PIEZO1: variants seen among roughly 807,000 people sequenced by gnomAD.
PIEZO1 encodes the protein piezo type mechanosensitive ion channel component 1 (Er blood group), also known as piezo-type mechanosensitive ion channel component 1.
Under a neutral mutation model 297.2 loss-of-function variants are expected in PIEZO1, and 296 were observed. The ratio of observed to expected loss-of-function variants is 1.00; its 90% CI spans 0.91 to 1.10. The LOEUF (loss-of-function observed/expected upper bound fraction) is 1.10, where lower values mean the gene tolerates loss of function less well. PIEZO1 is among the 50% of genes least tolerant of loss of function. The pLI is 0.00. For synonymous variants in PIEZO1, 2,427 were observed against 1,507.5 expected (o/e 1.61, Z -14.13); for missense variants, 5,018 against 3,455.5 (o/e 1.45, Z -11.34).
At position 88,721,191 on chromosome 16, in the gene PIEZO1, T is replaced by C. The variant is rs1193384801; in HGVS notation, c.5643A>G (p.Pro1881=). 17 of 1,511,458 alleles carry C rather than the reference T, an allele frequency of 1.1e-5. No individual in the cohort carries two copies. Among genetic ancestry groups the C allele is most frequent in the Admixed American group, 4.1e-5 (2 of 48,892 alleles). The allele number at this position is 1,511,458 out of a possible 1,614,324, so 93.6% of individuals were successfully genotyped here. ...CGATGGCTGCCGCTCCTTTCCGTGC[T>C]GGGCCCTCCTTCTTCCTTCTTCTAA... ...LRFRRRKKEG[P]ARKGAAAIEA... The change falls in exon 39 of 51, where the codon CCA becomes CCG. Residue 1881 remains proline (P), a synonymous_variant. Coordinates refer to ENST00000301015, the MANE Select transcript of PIEZO1 (RefSeq NM_001142864.4).
intron 19 of PIEZO1, 111 bp from the exon 20 acceptor site, chr16:88,732,843 G>C: frequency 9.0e-7 from 1 of 1,107,974 alleles, no homozygotes. Flanking sequence ...TCCCCAGCCA[G>C]GGACACGGGG....
intron 1 of PIEZO1, among the ~76,000 whole-genome samples, chr16:88,757,328 GGGGGGTA>G (rs1906721315): frequency 2.0e-5 from 1 of 49,596 alleles, no homozygotes; most frequent in Admixed American, 2.3e-4. Flanking sequence ...GCGGGGGGGT[GGGGGGTA>G]GTTACCTAAC....
At position 88,725,175 on chromosome 16, in the gene PIEZO1, G is replaced by T. The variant is rs568849385; in HGVS notation, c.4163-95C>A. On this transcript the variant is annotated intron_variant, in intron 29 of 50. Transcript: ENST00000301015. The stretch of plus-strand genomic sequence containing the variant: ...CCGTCTTGGAGACAGGATAGGTGGA[G>T]ACAGACACGGACACCCACAGTGACG... 2.0e-5 allele frequency: 17 copies of T among 845,980 alleles called. No homozygotes were observed. The South Asian group carries it at 2.4e-4, about 12-fold the overall frequency. 52.4% of individuals were successfully genotyped at this position (845,980 alleles called of 1,614,324 possible).
rs759628441 is a variant in PIEZO1 at position 88,736,419 on chromosome 16, G to A, written c.1297-11C>T. On this transcript the variant is annotated splice_polypyrimidine_tract_variant and intron_variant, in intron 11 of 50. Transcript: ENST00000301015. Reference sequence around the variant, plus strand: ...GGTGATGCTCCATACCTGCGCGGCAGAGAGGGCTGCACAGCTGCCCAGCGC... The same window carrying A: ...GGTGATGCTCCATACCTGCGCGGCAAAGAGGGCTGCACAGCTGCCCAGCGC... 6 of 1,537,038 alleles carry A rather than the reference G, an allele frequency of 3.9e-6. No homozygotes were observed. Among genetic ancestry groups the A allele is most frequent in the Non-Finnish European group, 2.6e-6 (3 of 1,140,462 alleles).
In PIEZO1 at chr16:88,784,899, A is replaced by ACCCGCCCC. The variant is rs2142919621; in HGVS notation, c.64+1_64+2insGGGGCGGG. ...GCCCCCAGGCGCCCGCCCCCCACTCACCAGCCAGCAGCGCGCAGGGCAGCA... is the reference window on the plus strand; with the variant it reads ...GCCCCCAGGCGCCCGCCCCCCACTCACCCGCCCCCCAGCCAGCAGCGCGCAGGGCAGCA... On this transcript the variant is annotated splice_donor_variant, in intron 1 of 50. Coordinates refer to ENST00000301015, the MANE Select transcript of PIEZO1 (RefSeq NM_001142864.4). LOFTEE classifies it high-confidence loss of function. 1.4e-6 allele frequency: 2 copies of ACCCGCCCC among 1,434,310 alleles called. No individual in the cohort carries two copies. The highest frequency in any genetic ancestry group is 9.2e-7 in the Non-Finnish European group (1 of 1,091,760). 88.8% of individuals were successfully genotyped at this position (1,434,310 alleles called of 1,614,324 possible).
chr16:88,719,362 C>G, intron 44 of PIEZO1: 1 of 572,852 alleles, frequency 1.7e-6, no homozygotes, highest in South Asian at 2.0e-5. Flanking sequence ...GGACCAACTC[C>G]GCTGCCCACT....
At position 88,732,496 on chromosome 16, in the gene PIEZO1, T is replaced by G; in HGVS notation, c.2830A>C (p.Ile944Leu). 6.5e-7 allele frequency: 1 copy of G among 1,548,506 alleles called. No homozygotes were observed. Among genetic ancestry groups the G allele is most frequent in the Non-Finnish European group, 8.7e-7 (1 of 1,145,586 alleles). ...TAGTGCTCCTGGCGCCGGTACACGATGGCCTCGAATACCAGCAGCAGCAGC... is the reference window on the plus strand; with the variant it reads ...TAGTGCTCCTGGCGCCGGTACACGAGGGCCTCGAATACCAGCAGCAGCAGC... ...QVLLLLVFEAIVYRRQEHYRR... is the reference protein window; with the variant it reads ...QVLLLLVFEALVYRRQEHYRR... The change falls in exon 21 of 51, where the codon ATC becomes CTC. Residue 944 changes from isoleucine to leucine, a missense_variant. Physicochemically the swap from Ile to Leu is conservative, Grantham distance 5. Transcript: ENST00000301015.
At chr16:88,733,512 G>C in intron 18 of PIEZO1, 58 bp from the exon 19 acceptor site, 1 of 1,529,366 alleles carries the variant, frequency 6.5e-7, no homozygotes, top group Non-Finnish European at 8.8e-7. Flanking sequence ...ACGTGGGGCT[G>C]GGCTTGGGGA....
rs1237422997 is a variant in PIEZO1 at position 88,726,662 on chromosome 16, A to G, written c.3700-19T>C. The G allele has an allele frequency of 6.8e-7, 1 of 1,463,074 alleles. No individual in the cohort carries two copies. The highest frequency in any genetic ancestry group is 9.1e-7 in the Non-Finnish European group (1 of 1,097,716). 90.6% of individuals were successfully genotyped at this position (1,463,074 alleles called of 1,614,324 possible). A position where few individuals can be genotyped will look rare whatever the true frequency, so the allele number is the denominator to read the frequency against. On this transcript the variant is annotated intron_variant, in intron 25 of 50. Transcript: ENST00000301015. The stretch of plus-strand genomic sequence containing the variant: ...CCAGGAGCTGGGGGAGAGCAGGGTC[A>G]GCGGGGCCAGCGGGGCCCCAGGGCG...
At chr16:88,735,332 G>C in intron 12 of PIEZO1, 86 bp from the exon 13 acceptor site, 2 of 939,786 alleles carry the variant, frequency 2.1e-6, no homozygotes, top group Non-Finnish European at 3.4e-6. Context: ...CCTATAGCAG[G>C]GGGCAAGAGC....
At chr16:88,755,187 G>A (rs559865475) in intron 1 of PIEZO1, among the ~76,000 whole-genome samples, 4 of 152,342 alleles carry the variant, frequency 2.6e-5, no homozygotes, top group Admixed American at 1.3e-4. Flanking sequence ...GAGCAAGCCT[G>A]GGATGCGGCG....
rs768962355 is a variant in PIEZO1 at position 88,722,930 on chromosome 16, C to T, written c.4575G>A (p.Leu1525=). ...GGGTGAACTCCTGCAGCCAGCGTGTCAGCTCATCCACTAGCGCCTGCCCCA... is the reference window on the plus strand; with the variant it reads ...GGGTGAACTCCTGCAGCCAGCGTGTTAGCTCATCCACTAGCGCCTGCCCCA... ...WMLGQALVDE[L]TRWLQEFTRH... Residue 1525 remains leucine, a synonymous_variant, in exon 34 of 51, where the codon CTG becomes CTA. Coordinates refer to ENST00000301015, the MANE Select transcript of PIEZO1 (RefSeq NM_001142864.4). The T allele has an allele frequency of 7.1e-6, 11 of 1,549,420 alleles. No homozygotes were observed. Among genetic ancestry groups the T allele is most frequent in the South Asian group, 1.2e-5 (1 of 84,062 alleles).
chr16:88,715,867 C>G lies in PIEZO1; in HGVS notation c.7317-13G>C. ...CAGCCCCATGATGCTGCGGGGGAAGCTGGTGAGTCCTGGGGCCGCCCGGAG... is the reference window on the plus strand; with the variant it reads ...CAGCCCCATGATGCTGCGGGGGAAGGTGGTGAGTCCTGGGGCCGCCCGGAG... On this transcript the variant is annotated splice_polypyrimidine_tract_variant and intron_variant, in intron 50 of 50. Coordinates refer to ENST00000301015, the MANE Select transcript of PIEZO1 (RefSeq NM_001142864.4). 1.3e-6 allele frequency: 2 copies of G among 1,548,686 alleles called. No homozygotes were observed. The highest frequency in any genetic ancestry group is 1.7e-6 in the Non-Finnish European group (2 of 1,145,814).
chr16:88,738,165 A>G lies in PIEZO1; in HGVS notation c.849-60T>C, dbSNP rs781007822. On this transcript the variant is annotated intron_variant, in intron 7 of 50. Coordinates refer to ENST00000301015, the MANE Select transcript of PIEZO1 (RefSeq NM_001142864.4). ...CAGAGGCAGTGGGGCCACAGGGGCTAGACGAGCCAGGTGGGCGGGACCAGG... is the reference window on the plus strand; with the variant it reads ...CAGAGGCAGTGGGGCCACAGGGGCTGGACGAGCCAGGTGGGCGGGACCAGG... 13 of 1,533,466 alleles carry G rather than the reference A, an allele frequency of 8.5e-6. No homozygotes were observed. The South Asian group carries it at 1.1e-4, about 13-fold the overall frequency. The allele number at this position is 1,533,466 out of a possible 1,614,324, so 95.0% of individuals were successfully genotyped here. A position where few individuals can be genotyped will look rare whatever the true frequency, so the allele number is the denominator to read the frequency against.
At chr16:88,747,043 T>C (rs1906098704) in intron 2 of PIEZO1, among the ~76,000 whole-genome samples, 1 of 152,142 alleles carries the variant, frequency 6.6e-6, no homozygotes, top group Non-Finnish European at 1.5e-5. Context: ...AATGCCTCTC[T>C]GCACCCCTGA....
intron 1 of PIEZO1, among the ~76,000 whole-genome samples, chr16:88,784,246 G>A (rs993160991): frequency 1.1e-4 from 17 of 152,254 alleles, no homozygotes; most frequent in African/African-American, 3.6e-4. Flanking sequence ...GACCAGGGCA[G>A]AGGCCGGCCC....
chr16:88,721,033 G>C (rs998834131), intron 39 of PIEZO1, 133 bp downstream of exon 39: 1 of 970,568 alleles, frequency 1.0e-6, no homozygotes, highest in Admixed American at 2.9e-5. Flanking sequence ...CTGTGGCTCA[G>C]AAGTGGCACC....
chr16:88,779,306 T>G (rs1011624828), intron 1 of PIEZO1, among the ~76,000 whole-genome samples: 3 of 152,194 alleles, frequency 2.0e-5, no homozygotes, highest in African/African-American at 7.2e-5. Flanking sequence ...CCCAAAGTGC[T>G]GGGATTACAG....
chr16:88,776,002 T>C (rs1597489170), intron 1 of PIEZO1, among the ~76,000 whole-genome samples: 1 of 152,134 alleles, frequency 6.6e-6, no homozygotes, highest in African/African-American at 2.4e-5. Context: ...GGCTCCAGCA[T>C]GCGCAGCACA....
Sources: gnomAD v4.1 joint callset for allele counts (sites outside exome capture counted in the v4.1 genomes callset) on GRCh38, gnomAD v4.1.1 for gene constraint, MANE v1.5 for transcripts, NCBI Gene and HGNC (gene_info 2026-07-23, HGNC 2026-07-21) for gene names.